Variants in COL19A1 observed in about 807,000 individuals in gnomAD.
COL19A1 encodes the protein collagen alpha-1(XIX) chain.
In COL19A1, 159 loss-of-function variants were observed where a neutral mutation model predicts 190.2. The observed-to-expected ratio is 0.84, with a 90% CI of 0.73 to 0.95. COL19A1 has a LOEUF of 0.95. Among genes scored for constraint, COL19A1 ranks in the 40% least tolerant of loss-of-function variants. The pLI is 0.00. For missense variants in COL19A1, 1,418 were observed against 1,431.9 expected, an observed-to-expected ratio of 0.99 and a Z score of 0.16; for synonymous variants, 509 against 458.9, an observed-to-expected ratio of 1.11 and a Z score of -1.39.
chr6:70,066,251 A>G (rs143939891), intron 14 of COL19A1, among the ~76,000 whole-genome samples: 113 of 152,344 alleles, frequency 7.4e-4, no homozygotes, highest in African/African-American at 2.5e-3. Flanking sequence ...CATATACACC[A>G]TGGAATACTA....
At chr6:69,900,158 G>C in intron 3 of COL19A1, 81 bp from the exon 4 acceptor site, 1 of 851,086 alleles carries the variant, frequency 1.2e-6, no homozygotes, top group Non-Finnish European at 1.7e-6. Flanking sequence ...TCAATTAATA[G>C]ATAAGGGCAA....
chr6:69,947,863 T>G (rs115126895), intron 9 of COL19A1, among the ~76,000 whole-genome samples: 1 of 151,872 alleles, frequency 6.6e-6, no homozygotes, highest in Non-Finnish European at 1.5e-5. Context: ...ATGTAACTGT[T>G]AAACTCAGTA....
chr6:70,186,528 G>A (rs1481898924), intron 46 of COL19A1, among the ~76,000 whole-genome samples: 1 of 152,018 alleles, frequency 6.6e-6, no homozygotes, highest in Non-Finnish European at 1.5e-5. Context: ...ATTTATTTCT[G>A]TTAATTTTTA....
At chr6:70,149,559 C>A in intron 27 of COL19A1, 145 bp from the exon 28 acceptor site, 1 of 891,408 alleles carries the variant, frequency 1.1e-6, no homozygotes, top group Non-Finnish European at 1.7e-6. Context: ...AAAGTCTTGG[C>A]CGACTTTGCA....
intron 8 of COL19A1, 75 bp from the exon 9 acceptor site, chr6:69,937,963 T>C: frequency 7.0e-7 from 1 of 1,431,600 alleles, no homozygotes; most frequent in Non-Finnish European, 9.8e-7. Flanking sequence ...AGTGCCAGCT[T>C]CACATTTATA....
rs1768223254 is a variant in COL19A1 at position 70,211,803 on chromosome 6, T to C, written c.*4529T>C. Reference sequence around the variant, plus strand: ...TGGTTAAATTGAATGAAGAACCAAGTGAACACAGAGAAAACTTATTCGGAC... The same window carrying C: ...TGGTTAAATTGAATGAAGAACCAAGCGAACACAGAGAAAACTTATTCGGAC... On this transcript the variant is annotated 3_prime_UTR_variant, in exon 51 of 51. Transcript: ENST00000620364. Among the ~76,000 whole-genome samples the C allele has an allele frequency of 6.6e-6, 1 of 151,878 alleles. No homozygotes were observed.
At chr6:70,138,952 C>T (rs1786057484) in intron 19 of COL19A1, among the ~76,000 whole-genome samples, 1 of 152,036 alleles carries the variant, frequency 6.6e-6, no homozygotes, top group Non-Finnish European at 1.5e-5. Flanking sequence ...CTTGGAGGTT[C>T]CTCTTACCAT....
intron 15 of COL19A1, among the ~76,000 whole-genome samples, chr6:70,074,563 A>G (rs1217722211): frequency 6.6e-6 from 1 of 151,772 alleles, no homozygotes; most frequent in Non-Finnish European, 1.5e-5. Context: ...GCTTATTCCA[A>G]GTTACCAACT....
At chr6:69,992,662 T>A (rs1776694608) in intron 11 of COL19A1, among the ~76,000 whole-genome samples, 1 of 152,050 alleles carries the variant, frequency 6.6e-6, no homozygotes, top group Non-Finnish European at 1.5e-5. Flanking sequence ...ATTGTAGAGA[T>A]CTTTCACTTC....
At chr6:69,940,238 A>C (rs551209672) in intron 9 of COL19A1, among the ~76,000 whole-genome samples, 10 of 152,156 alleles carry the variant, frequency 6.6e-5, no homozygotes, top group Non-Finnish European at 1.5e-4. Flanking sequence ...CTTTAATCAT[A>C]AATAGACATC....
At chr6:70,190,184 T>C in intron 47 of COL19A1, 131 bp from the exon 48 acceptor site, 1 of 691,110 alleles carries the variant, frequency 1.4e-6, no homozygotes, top group African/African-American at 1.9e-5. Flanking sequence ...ATATAATCAA[T>C]TGCCAAAAGC....
chr6:70,156,385 C>T lies in COL19A1; in HGVS notation c.2238+16C>T, dbSNP rs772195888. 1.2e-6 allele frequency: 2 copies of T among 1,612,388 alleles called. No individual in the cohort carries two copies. Among genetic ancestry groups the T allele is most frequent in the Admixed American group, 3.3e-5 (2 of 59,822 alleles). ...GGGACCAAAGGTAAGAAATTCTCTC[C>T]TCCACTTTCCCCTGTGGGAACCTCA... On this transcript the variant is annotated intron_variant, in intron 33 of 50. Coordinates refer to ENST00000620364, the MANE Select transcript of COL19A1 (RefSeq NM_001858.6).
chr6:70,190,431 C>T (rs1583131592), intron 48 of COL19A1, 50 bp downstream of exon 48: 3 of 1,216,630 alleles, frequency 2.5e-6, no homozygotes, highest in Non-Finnish European at 3.6e-6. Flanking sequence ...TTCCCACCTC[C>T]CACCTACTAT....
chr6:69,926,233 A>T (rs1772385436), intron 4 of COL19A1, among the ~76,000 whole-genome samples: 1 of 152,088 alleles, frequency 6.6e-6, no homozygotes, highest in Admixed American at 6.6e-5. Flanking sequence ...TTTTCAATTA[A>T]CAATTAGAAG....
intron 12 of COL19A1, among the ~76,000 whole-genome samples, chr6:70,030,270 G>A (rs549220927): frequency 6.6e-6 from 1 of 152,130 alleles, no homozygotes; most frequent in South Asian, 2.1e-4. Context: ...TTACAACTGG[G>A]ATTAATTTGT....
At chr6:70,079,123 A>G (rs987338268) in intron 15 of COL19A1, among the ~76,000 whole-genome samples, 14 of 152,220 alleles carry the variant, frequency 9.2e-5, no homozygotes, top group Non-Finnish European at 1.6e-4. Flanking sequence ...GCATGATTAT[A>G]AAAACCAGTG....
intron 7 of COL19A1, among the ~76,000 whole-genome samples, chr6:69,934,191 A>G (rs1772958611): frequency 6.6e-6 from 1 of 152,024 alleles, no homozygotes; most frequent in African/African-American, 2.4e-5. Context: ...TTGGCTTTAT[A>G]AAGCATATCT....
Position 69,900,269 on chromosome 6 carries a change from G to T in COL19A1, c.197G>T (p.Arg66Ile), listed in dbSNP as rs1246733594. Residue 66 changes from arginine to isoleucine, a missense_variant, in exon 4 of 51, where the codon AGA becomes ATA. Arg to Ile is a moderately conservative substitution (Grantham distance 97). Coordinates refer to ENST00000620364, the MANE Select transcript of COL19A1 (RefSeq NM_001858.6). ...GATCTAGGAGACAGCTTTTCTCTAAGACGTGCATTTTGTGAAAGTGATAAA... is the reference window on the plus strand; with the variant it reads ...GATCTAGGAGACAGCTTTTCTCTAATACGTGCATTTTGTGAAAGTGATAAA... Reference protein sequence around the residue: ...GFDLGDSFSLRRAFCESDKTC... With the variant: ...GFDLGDSFSLIRAFCESDKTC... The T allele has an allele frequency of 6.3e-6, 10 of 1,596,898 alleles. No homozygotes were observed. Among genetic ancestry groups the T allele is most frequent in the Non-Finnish European group, 8.5e-6 (10 of 1,171,230 alleles).
intron 14 of COL19A1, among the ~76,000 whole-genome samples, chr6:70,039,526 T>C (rs1301467583): frequency 6.6e-6 from 1 of 152,162 alleles, no homozygotes; most frequent in Non-Finnish European, 1.5e-5. Flanking sequence ...CATTGACAAC[T>C]TCAGGACACA....
Sources: allele counts gnomAD v4.1 joint callset (sites outside exome capture counted in the v4.1 genomes callset), GRCh38; gene constraint gnomAD v4.1.1; transcripts MANE v1.5; gene names NCBI Gene and HGNC (gene_info 2026-07-23, HGNC 2026-07-21).